The following SLC39A11 variants were observed in gnomAD, a reference collection of about 807,000 sequenced individuals.
SLC39A11 encodes the protein zinc transporter ZIP11.
A neutral mutation model predicts 36.1 loss-of-function variants in SLC39A11; 33 were observed. The observed-to-expected ratio is 0.91, with a 90% CI of 0.69 to 1.22. The LOEUF is 1.22. Among genes scored for constraint, SLC39A11 ranks in the 50% most tolerant of loss-of-function variants. The pLI is 0.00. For missense variants in SLC39A11, 432 were observed against 430.3 expected, an observed-to-expected ratio of 1.00 and a Z score of -0.03; for synonymous variants, 166 against 170.3, an observed-to-expected ratio of 0.97 and a Z score of 0.20.
intron 5 of SLC39A11, among the ~76,000 whole-genome samples, chr17:72,853,899 A>G (rs1210179666): frequency 6.6e-6 from 1 of 152,114 alleles, no homozygotes; most frequent in South Asian, 2.1e-4. Flanking sequence ...ATTGCCAAGC[A>G]CCTTGTGGGA....
At chr17:72,991,990 C>A (rs754303990) in intron 4 of SLC39A11, among the ~76,000 whole-genome samples, 1 of 152,222 alleles carries the variant, frequency 6.6e-6, no homozygotes, top group African/African-American at 2.4e-5. Context: ...TCAAAAATCT[C>A]TTTTGTCAAT....
chr17:72,992,213 T>G (rs768218627), intron 4 of SLC39A11, among the ~76,000 whole-genome samples: 4 of 151,958 alleles, frequency 2.6e-5, no homozygotes, highest in African/African-American at 4.8e-5. Context: ...TTACTCGAGC[T>G]TGGTGGCAGG....
chr17:72,721,369 T>A (rs2073672333), intron 7 of SLC39A11, among the ~76,000 whole-genome samples: 1 of 152,174 alleles, frequency 6.6e-6, no homozygotes, highest in African/African-American at 2.4e-5. Context: ...AGTGTTGGGA[T>A]TACAGGCAAG....
At chr17:72,692,291 G>A (rs115392276) in intron 7 of SLC39A11, among the ~76,000 whole-genome samples, 83 of 152,264 alleles carry the variant, frequency 5.5e-4, no homozygotes, top group African/African-American at 1.8e-3. Context: ...GATTACAGGC[G>A]TGGGCTACCG....
At chr17:72,842,766 C>A (rs2078876439) in intron 6 of SLC39A11, among the ~76,000 whole-genome samples, 1 of 152,170 alleles carries the variant, frequency 6.6e-6, no homozygotes, top group African/African-American at 2.4e-5. Context: ...CAGGCAGGCG[C>A]CACGGAAGTA....
chr17:73,032,560 C>A, intron 3 of SLC39A11, among the ~76,000 whole-genome samples: 1 of 152,284 alleles, frequency 6.6e-6, no homozygotes, highest in East Asian at 1.9e-4. Context: ...CACTACTTCA[C>A]GAGTTCCACT....
intron 3 of SLC39A11, among the ~76,000 whole-genome samples, chr17:73,072,067 C>A (rs1273024330): frequency 1.3e-5 from 2 of 152,192 alleles, no homozygotes; most frequent in Non-Finnish European, 2.9e-5. Flanking sequence ...AGAGTCACTG[C>A]AACTTCAGAG....
intron 5 of SLC39A11, among the ~76,000 whole-genome samples, chr17:72,869,201 G>A (rs983576705): frequency 2.0e-5 from 3 of 152,182 alleles, no homozygotes; most frequent in African/African-American, 7.2e-5. Flanking sequence ...ACCAGTGAAA[G>A]TAACAAGAAG....
In SLC39A11 at chr17:72,914,009, G is replaced by GAAAAA. The variant is rs112710441; in HGVS notation, c.430+33742_430+33743insTTTTT. ...AACCTACCATGAATTTAAAATAATT[G>GAAAAA]AAAGAAAAAAAAAGGCTGGGTGTGG... is the stretch of plus-strand genomic sequence containing the variant. On this transcript the variant is annotated intron_variant, in intron 5 of 9. Transcript: ENST00000255559. Among the ~76,000 whole-genome samples the GAAAAA allele has an allele frequency of 1.4e-5, 2 of 147,380 alleles. 1 individual carries two copies.
At chr17:73,073,164 A>G (rs894298937) in intron 3 of SLC39A11, among the ~76,000 whole-genome samples, 2 of 152,212 alleles carry the variant, frequency 1.3e-5, no homozygotes, top group African/African-American at 4.8e-5. Context: ...TGGGTGACGG[A>G]GTGGGACTCC....
intron 3 of SLC39A11, among the ~76,000 whole-genome samples, chr17:73,078,580 G>A (rs975713230): frequency 8.6e-5 from 13 of 151,452 alleles, no homozygotes; most frequent in African/African-American, 2.4e-4. Flanking sequence ...TCCACCTTCC[G>A]GGTTCAAGCG....
chr17:72,921,642 A>G (rs1408023414), intron 5 of SLC39A11, among the ~76,000 whole-genome samples: 1 of 152,214 alleles, frequency 6.6e-6, no homozygotes, highest in African/African-American at 2.4e-5. Context: ...AAGATCCATA[A>G]CTTTCACCAG....
At chr17:72,742,656 CT>C (rs1288066556) in intron 6 of SLC39A11, among the ~76,000 whole-genome samples, 1 of 152,026 alleles carries the variant, frequency 6.6e-6, no homozygotes, top group Non-Finnish European at 1.5e-5. Context: ...AAAAATTTTC[CT>C]TTTTTTTCCT....
chr17:72,692,376 T>C (rs2072074486), intron 7 of SLC39A11, among the ~76,000 whole-genome samples: 1 of 152,222 alleles, frequency 6.6e-6, no homozygotes, highest in Non-Finnish European at 1.5e-5. Context: ...TAGTCTGTTT[T>C]CATGCTGCTA....
intron 5 of SLC39A11, among the ~76,000 whole-genome samples, chr17:72,924,316 A>T (rs1294040335): frequency 6.6e-6 from 1 of 152,108 alleles, no homozygotes; most frequent in African/African-American, 2.4e-5. Context: ...AAATTGCTAC[A>T]GGAAAAGTGA....
intron 3 of SLC39A11, among the ~76,000 whole-genome samples, chr17:73,047,986 AAAAAATATATATATATATATATAT>A (rs1418534343): frequency 1.2e-4 from 5 of 42,220 alleles, no homozygotes; most frequent in Admixed American, 6.7e-4. Flanking sequence ...AAAAAAAAAA[AAAAAATATATATATATATATATAT>A]ATATATATAT....
intron 4 of SLC39A11, among the ~76,000 whole-genome samples, chr17:72,962,301 A>C (rs1207354834): frequency 6.6e-6 from 1 of 152,200 alleles, no homozygotes; most frequent in Non-Finnish European, 1.5e-5. Flanking sequence ...ATGGGGCCAG[A>C]GTCCAGGGAT....
chr17:72,918,110 T>C (rs17248007), intron 5 of SLC39A11, among the ~76,000 whole-genome samples: 5,145 of 152,314 alleles, frequency 0.034, 125 homozygotes, highest in South Asian at 0.091. Context: ...TTACCTGTAA[T>C]GTAAGAGCAC....
chr17:72,714,312 C>T (rs549496307), intron 7 of SLC39A11, among the ~76,000 whole-genome samples: 10 of 152,138 alleles, frequency 6.6e-5, no homozygotes, highest in Middle Eastern at 3.4e-3. Flanking sequence ...GCTGAGATCA[C>T]GCCACTGCAC....
Sources: gnomAD v4.1 joint callset for allele counts (sites outside exome capture counted in the v4.1 genomes callset) on GRCh38, gnomAD v4.1.1 for gene constraint, MANE v1.5 for transcripts, NCBI Gene and HGNC (gene_info 2026-07-23, HGNC 2026-07-21) for gene names.